The following SIPA1L3 variants were observed in gnomAD, a reference collection of about 807,000 sequenced individuals.
The protein encoded by SIPA1L3 is signal induced proliferation associated 1 like 3.
A neutral mutation model predicts 150.1 loss-of-function variants in SIPA1L3; 59 were observed. That is an observed-to-expected ratio of 0.39 (90% CI 0.32 to 0.49). SIPA1L3 has a LOEUF of 0.49. Ranked by LOEUF, SIPA1L3 falls within the 20% of genes least tolerant of loss-of-function variation. The pLI, the probability that SIPA1L3 is intolerant of heterozygous loss-of-function variation, is 0.86. For synonymous variants in SIPA1L3, 1,070 were observed against 1,077.6 expected (o/e 0.99, Z 0.14); for missense variants, 2,211 against 2,489.5 (o/e 0.89, Z 2.38).
intron 16 of SIPA1L3, among the ~76,000 whole-genome samples, chr19:38,187,178 G>A (rs1431236496): frequency 6.6e-5 from 10 of 151,890 alleles, no homozygotes; most frequent in Non-Finnish European, 1.2e-4. Context: ...TCAGCCAGGC[G>A]TGGTAGCTCA....
At chr19:38,055,991 C>T (rs1308484219) in intron 2 of SIPA1L3, among the ~76,000 whole-genome samples, 1 of 152,224 alleles carries the variant, frequency 6.6e-6, no homozygotes, top group African/African-American at 2.4e-5. Flanking sequence ...TGCCCTGAGA[C>T]GGCTCATTTA....
intron 2 of SIPA1L3, among the ~76,000 whole-genome samples, chr19:38,029,369 C>T (rs550442801): frequency 2.7e-4 from 41 of 152,262 alleles, no homozygotes; most frequent in African/African-American, 9.9e-4. Context: ...CACAAACATT[C>T]CTACATGCAC....
chr19:38,173,309 A>G (rs1318404556), intron 15 of SIPA1L3, among the ~76,000 whole-genome samples: 2 of 152,136 alleles, frequency 1.3e-5, no homozygotes, highest in African/African-American at 4.8e-5. Context: ...AAGCAGGTGC[A>G]GCCTGTAGCA....
chr19:38,184,947 C>A (rs999133710), intron 16 of SIPA1L3: 1 of 152,746 alleles, frequency 6.5e-6, no homozygotes, highest in Admixed American at 6.5e-5. Context: ...CCTCTGCCCT[C>A]GTTCCCATCC....
At chr19:37,965,780 T>C (rs1479896941) in intron 1 of SIPA1L3, among the ~76,000 whole-genome samples, 1 of 151,024 alleles carries the variant, frequency 6.6e-6, no homozygotes, top group Non-Finnish European at 1.5e-5. Flanking sequence ...GATGTCGGTA[T>C]CATCAAATGG....
intron 1 of SIPA1L3, among the ~76,000 whole-genome samples, chr19:38,003,499 A>C (rs1212682714): frequency 2.0e-5 from 3 of 152,204 alleles, no homozygotes; most frequent in African/African-American, 7.2e-5. Flanking sequence ...GGATCCCCAG[A>C]TGGGCGTTGC....
rs74596999 is a variant in SIPA1L3, at chr19:37,941,857, T to C, written c.-379+34499T>C. On this transcript the variant is annotated intron_variant, in intron 1 of 21. Coordinates refer to ENST00000222345, the MANE Select transcript of SIPA1L3 (RefSeq NM_015073.3). Reference sequence around the variant, plus strand: ...ACAAAAGAACAATAAAGGGCTCTACTCCATTGCAGAGGCAAGCCCTGGTAA... The same window carrying C: ...ACAAAAGAACAATAAAGGGCTCTACCCCATTGCAGAGGCAAGCCCTGGTAA... Among the ~76,000 whole-genome samples, 41 of 152,312 alleles carry C rather than the reference T, an allele frequency of 2.7e-4. No individual in the cohort carries two copies. The East Asian group carries it at 7.7e-3, about 29-fold the overall frequency.
chr19:38,092,441 T>A (rs1230405980), intron 4 of SIPA1L3, among the ~76,000 whole-genome samples: 1 of 152,060 alleles, frequency 6.6e-6, no homozygotes, highest in Non-Finnish European at 1.5e-5. Flanking sequence ...GATACTGGGT[T>A]ATATAATTTT....
rs933976633 is a variant in SIPA1L3, at chr19:38,111,024, G to T, written c.2291+640G>T. 3.3e-4 allele frequency among the ~76,000 whole-genome samples: 45 copies of T among 138,260 alleles called. 2 individuals are homozygous for T. The highest frequency in any genetic ancestry group is 2.2e-4 in the Non-Finnish European group (14 of 65,024). The allele number at this position is 138,260 out of a possible 152,430, so 90.7% of individuals were successfully genotyped here. On this transcript the variant is annotated intron_variant, in intron 8 of 21. Transcript: ENST00000222345. ...ATTGAGGAGGTTTTTGTTGTTTTGGGTTTTTTTTTTTTTTTTTAAGACAGG... is the reference window on the plus strand; with the variant it reads ...ATTGAGGAGGTTTTTGTTGTTTTGGTTTTTTTTTTTTTTTTTTAAGACAGG...
intron 1 of SIPA1L3, among the ~76,000 whole-genome samples, chr19:37,926,804 A>G (rs937247668): frequency 1.1e-4 from 17 of 152,188 alleles, no homozygotes; most frequent in Non-Finnish European, 2.4e-4. Context: ...CAGTAGTAAC[A>G]GCATCAGCAG....
intron 1 of SIPA1L3, among the ~76,000 whole-genome samples, chr19:38,000,026 G>A (rs541276301): frequency 1.3e-4 from 20 of 152,308 alleles, no homozygotes; most frequent in African/African-American, 4.8e-4. Flanking sequence ...AATGATGATA[G>A]TACCTGCCTC....
chr19:38,115,242 G>C (rs912863202), intron 8 of SIPA1L3, among the ~76,000 whole-genome samples: 2 of 152,156 alleles, frequency 1.3e-5, no homozygotes, highest in African/African-American at 2.4e-5. Flanking sequence ...GACCAAAGAT[G>C]ACAGCCACTG....
chr19:38,137,480 C>T (rs1971461047), intron 10 of SIPA1L3, among the ~76,000 whole-genome samples: 1 of 122,434 alleles, frequency 8.2e-6, no homozygotes, highest in Non-Finnish European at 1.6e-5. Flanking sequence ...TGAGCCACTG[C>T]ACCTGGCCCA....
At chr19:38,197,024 T>C (rs1972971038) in intron 18 of SIPA1L3, among the ~76,000 whole-genome samples, 3 of 152,170 alleles carry the variant, frequency 2.0e-5, no homozygotes, top group Admixed American at 2.0e-4. Context: ...TCATATGTAG[T>C]CAGCACTGAG....
At chr19:38,073,121 G>C (rs193134102) in intron 2 of SIPA1L3, among the ~76,000 whole-genome samples, 120 of 152,304 alleles carry the variant, frequency 7.9e-4, no homozygotes, top group African/African-American at 2.7e-3. Flanking sequence ...TGCAGCAAGG[G>C]GAATGTTCTG....
At chr19:38,053,070 CAGCT>C (rs1300456452) in intron 2 of SIPA1L3, among the ~76,000 whole-genome samples, 8 of 152,252 alleles carry the variant, frequency 5.3e-5, no homozygotes, top group Admixed American at 5.2e-4. Context: ...GCTCTGTACT[CAGCT>C]GGCATCAGGC....
chr19:38,148,740 A>G (rs909013254), intron 12 of SIPA1L3, among the ~76,000 whole-genome samples: 2 of 152,084 alleles, frequency 1.3e-5, no homozygotes, highest in Admixed American at 6.6e-5. Flanking sequence ...CCGTAGCCCA[A>G]CCCTGCTCCC....
chr19:38,069,937 A>AGGGG (rs1969679040), intron 2 of SIPA1L3, among the ~76,000 whole-genome samples: 1 of 151,562 alleles, frequency 6.6e-6, no homozygotes, highest in South Asian at 2.1e-4. Flanking sequence ...TGGCCTCCCA[A>AGGGG]AGTGCTGGGA....
Position 38,092,152 on chromosome 19 carries a change from C to T in SIPA1L3, c.1665+3301C>T, listed in dbSNP as rs948025246. 4.0e-5 allele frequency among the ~76,000 whole-genome samples: 6 copies of T among 151,516 alleles called. 1 individual carries two copies. Among genetic ancestry groups the T allele is most frequent in the South Asian group, 4.2e-4 (2 of 4,802 alleles). On this transcript the variant is annotated intron_variant, in intron 4 of 21. Coordinates refer to ENST00000222345, the MANE Select transcript of SIPA1L3 (RefSeq NM_015073.3). ...AGCATTTTGGGGTAAGAGGTTAAGA[C>T]GGAAGGATTGCTTGAAGCCTGGAGT...
Sources: gnomAD v4.1 joint callset for allele counts (sites outside exome capture counted in the v4.1 genomes callset) on GRCh38, gnomAD v4.1.1 for gene constraint, MANE v1.5 for transcripts, NCBI Gene and HGNC (gene_info 2026-07-23, HGNC 2026-07-21) for gene names.